TENM3: variants seen among roughly 807,000 people sequenced by gnomAD.
TENM3 encodes teneurin-3.
TENM3 carries 63 observed loss-of-function variants against 255.1 expected under a neutral mutation model. The observed-to-expected ratio is 0.25, with a 90% CI of 0.20 to 0.30. TENM3 has a LOEUF of 0.30. Among genes scored for constraint, TENM3 ranks in the 10% least tolerant of loss-of-function variants. TENM3 has a pLI of 1.00. For missense variants in TENM3, 2,929 were observed against 3,461.1 expected (o/e 0.85, Z 3.86); for synonymous variants, 1,306 against 1,322.3 (o/e 0.99, Z 0.27).
the TENM3 span, among the ~76,000 whole-genome samples, chr4:181,875,785 TCTCAGTTCCC>T: frequency 6.6e-6 from 1 of 152,174 alleles, no homozygotes; most frequent in Non-Finnish European, 1.5e-5. Flanking sequence ...GAGCTTCTGT[TCTCAGTTCCC>T]CTGACAAACT....
intron 3 of TENM3, among the ~76,000 whole-genome samples, chr4:182,440,562 C>A (rs1224181360): frequency 6.6e-6 from 1 of 152,156 alleles, no homozygotes; most frequent in Admixed American, 6.5e-5. Context: ...GGTGATGGTT[C>A]TCAGCTACCT....
chr4:181,579,356 G>C, the TENM3 span, among the ~76,000 whole-genome samples: 1 of 152,062 alleles, frequency 6.6e-6, no homozygotes, highest in Admixed American at 6.6e-5. Flanking sequence ...TGCCACCAGA[G>C]CGATCTTTTA....
chr4:182,386,212 C>A (rs1215851822), intron 3 of TENM3, among the ~76,000 whole-genome samples: 1 of 152,172 alleles, frequency 6.6e-6, no homozygotes, highest in African/African-American at 2.4e-5. Flanking sequence ...TGATTTGGAA[C>A]CCTCATAATT....
At chr4:182,025,019 CATTTTTTTTT>C in the TENM3 span, among the ~76,000 whole-genome samples, 259 of 92,192 alleles carry the variant, frequency 2.8e-3, no homozygotes, top group Middle Eastern at 0.015. Flanking sequence ...GACAGGATTT[CATTTTTTTTT>C]TTTTTTTTTT....
intron 3 of TENM3, among the ~76,000 whole-genome samples, chr4:182,473,564 T>G (rs190279132): frequency 6.6e-6 from 1 of 152,030 alleles, no homozygotes; most frequent in Non-Finnish European, 1.5e-5. Flanking sequence ...TCCCAGCTAC[T>G]CGGGAGGCTG....
At chr4:182,202,299 CTT>C (rs773698031) in intron 1 of TENM3, among the ~76,000 whole-genome samples, 21 of 100,598 alleles carry the variant, frequency 2.1e-4, no homozygotes, top group African/African-American at 5.0e-4. Context: ...GTGCACTGCA[CTT>C]TTTTTTTTTT....
the TENM3 span, among the ~76,000 whole-genome samples, chr4:181,920,299 G>A: frequency 3.8e-4 from 58 of 152,058 alleles, no homozygotes; most frequent in African/African-American, 1.3e-3. Context: ...GATCCCTGAG[G>A]AATCGCCACA....
At chr4:181,653,700 C>CTTT in the TENM3 span, among the ~76,000 whole-genome samples, 3 of 137,294 alleles carry the variant, frequency 2.2e-5, no homozygotes, top group Admixed American at 7.4e-5. Flanking sequence ...ATAAGACCAG[C>CTTT]TTTTTTTTTT....
chr4:182,126,093 C>T, the TENM3 span, among the ~76,000 whole-genome samples: 4 of 152,074 alleles, frequency 2.6e-5, no homozygotes, highest in Admixed American at 6.5e-5. Flanking sequence ...CTGAACATCC[C>T]ACCTAAAGTC....
At chr4:182,635,432 C>T (rs1581171202) in intron 5 of TENM3, among the ~76,000 whole-genome samples, 1 of 152,308 alleles carries the variant, frequency 6.6e-6, no homozygotes, top group East Asian at 1.9e-4. Flanking sequence ...TCGCTGTTAC[C>T]TCCCAACACC....
the TENM3 span, among the ~76,000 whole-genome samples, chr4:181,694,338 C>G: frequency 3.9e-5 from 6 of 152,180 alleles, no homozygotes; most frequent in African/African-American, 1.4e-4. Context: ...TTACTCAAGT[C>G]TATAACTATG....
At chr4:181,629,686 C>T in the TENM3 span, among the ~76,000 whole-genome samples, 14 of 152,058 alleles carry the variant, frequency 9.2e-5, no homozygotes, top group African/African-American at 3.1e-4. Flanking sequence ...GGGATGAAGC[C>T]CACTTGATCA....
At chr4:182,276,799 G>A (rs1368334075) in intron 1 of TENM3, among the ~76,000 whole-genome samples, 1 of 152,156 alleles carries the variant, frequency 6.6e-6, no homozygotes, top group Non-Finnish European at 1.5e-5. Context: ...TCGTCTGTAT[G>A]TATATATAGA....
rs559526600 is a variant in TENM3, at chr4:182,267,552, T to C, written c.-76+24076T>C. 6.6e-5 allele frequency among the ~76,000 whole-genome samples: 10 copies of C among 152,262 alleles called. No homozygotes were observed. In the South Asian group the frequency reaches 2.1e-3, roughly 32 times the overall value. The stretch of plus-strand genomic sequence containing the variant: ...CCTGTGGTAAGTAAAAAAATGTCAC[T>C]TTCTAACAAGTCCAGAAGCCTCAAG... On this transcript the variant is annotated intron_variant, in intron 1 of 27. Coordinates refer to ENST00000511685, the MANE Select transcript of TENM3 (RefSeq NM_001080477.4).
chr4:182,279,938 C>T (rs915453717), intron 1 of TENM3, among the ~76,000 whole-genome samples: 2 of 152,170 alleles, frequency 1.3e-5, no homozygotes, highest in Admixed American at 1.3e-4. Context: ...TTGAAACCCA[C>T]ACGTTGCAGA....
chr4:181,926,078 T>A, the TENM3 span, among the ~76,000 whole-genome samples: 1 of 152,218 alleles, frequency 6.6e-6, no homozygotes, highest in Non-Finnish European at 1.5e-5. Context: ...GAGCCATAAA[T>A]GTTCTATAGA....
the TENM3 span, among the ~76,000 whole-genome samples, chr4:181,797,632 G>T: frequency 6.6e-6 from 1 of 152,146 alleles, no homozygotes; most frequent in Admixed American, 6.5e-5. Flanking sequence ...AAGGACTTGA[G>T]CCCAAGAAAG....
chr4:181,529,559 T>TG, the TENM3 span, among the ~76,000 whole-genome samples: 1 of 152,114 alleles, frequency 6.6e-6, no homozygotes, highest in South Asian at 2.1e-4. Flanking sequence ...TCACGTGGGG[T>TG]GGGGGGTTGT....
At chr4:181,793,704 G>A in the TENM3 span, among the ~76,000 whole-genome samples, 1 of 152,174 alleles carries the variant, frequency 6.6e-6, no homozygotes, top group Non-Finnish European at 1.5e-5. Context: ...TAAATCAGGA[G>A]TCTTGAAAGC....
Sources: allele counts gnomAD v4.1 joint callset (sites outside exome capture counted in the v4.1 genomes callset), GRCh38; gene constraint gnomAD v4.1.1; transcripts MANE v1.5; gene names NCBI Gene and HGNC (gene_info 2026-07-23, HGNC 2026-07-21).